NEK7: variants seen among roughly 807,000 people sequenced by gnomAD.
NEK7 encodes the protein NIMA related kinase 7.
NEK7 carries 18 observed loss-of-function variants against 44.6 expected under a neutral mutation model. The observed-to-expected ratio is 0.40, with a 90% CI of 0.28 to 0.60. The LOEUF is 0.60. Among genes scored for constraint, NEK7 ranks in the 20% least tolerant of loss-of-function variants. The pLI is 0.38. For missense variants in NEK7, 256 were observed against 366.5 expected, an observed-to-expected ratio of 0.70 and a Z score of 2.46; for synonymous variants, 130 against 121.1, an observed-to-expected ratio of 1.07 and a Z score of -0.48.
intron 7 of NEK7, among the ~76,000 whole-genome samples, chr1:198,292,083 G>T (rs182169865): frequency 1.3e-5 from 2 of 151,602 alleles, no homozygotes; most frequent in African/African-American, 4.8e-5. Flanking sequence ...TTTCTATTTG[G>T]CAAAAAGCCT....
chr1:198,192,350 C>T (rs1665104595), intron 1 of NEK7, among the ~76,000 whole-genome samples: 1 of 150,064 alleles, frequency 6.7e-6, no homozygotes, highest in African/African-American at 2.4e-5. Context: ...TTTAAAGAAC[C>T]AGCTTTTGGT....
intron 9 of NEK7, among the ~76,000 whole-genome samples, chr1:198,317,891 T>TTTTG (rs1655422107): frequency 6.8e-6 from 1 of 146,446 alleles, no homozygotes; most frequent in East Asian, 2.0e-4. Context: ...TTTTTTTTTT[T>TTTTG]TTTTTTTTTG....
intron 1 of NEK7, among the ~76,000 whole-genome samples, chr1:198,163,977 A>T (rs1362791678): frequency 6.6e-6 from 1 of 152,084 alleles, no homozygotes; most frequent in Non-Finnish European, 1.5e-5. Flanking sequence ...ACTGTGGCTC[A>T]CACCTGTAAT....
intron 1 of NEK7, among the ~76,000 whole-genome samples, chr1:198,231,851 G>A (rs769074189): frequency 6.6e-6 from 1 of 152,016 alleles, no homozygotes; most frequent in Non-Finnish European, 1.5e-5. Flanking sequence ...AGTTTTTTGA[G>A]TCTTAGATTT....
At chr1:198,202,259 TA>T (rs200263286) in intron 1 of NEK7, among the ~76,000 whole-genome samples, 196 of 145,920 alleles carry the variant, frequency 1.3e-3, no homozygotes, top group South Asian at 1.9e-3. Flanking sequence ...TCAGGAATAT[TA>T]AAAAAAAAAA....
At position 198,320,214 on chromosome 1, in the gene NEK7, A is replaced by T. The variant is rs1377172847; in HGVS notation, c.*692A>T. The stretch of plus-strand genomic sequence containing the variant: ...CTTTGCATTGAAATGGTATAAATGA[A>T]TCCATTTAAAAAGTGGTTAAGGATT... On this transcript the variant is annotated 3_prime_UTR_variant, in exon 10 of 10. Coordinates refer to ENST00000367385, the MANE Select transcript of NEK7 (RefSeq NM_133494.3). 6.6e-6 allele frequency: 1 copy of T among 152,172 alleles called. No individual in the cohort carries two copies. Among genetic ancestry groups the T allele is most frequent in the Non-Finnish European group, 1.5e-5 (1 of 68,012 alleles). 9.4% of individuals were successfully genotyped at this position (152,172 alleles called of 1,614,324 possible).
chr1:198,319,266 TTA>T, intron 9 of NEK7, 144 bp from the exon 10 acceptor site: 1 of 567,364 alleles, frequency 1.8e-6, no homozygotes, highest in Non-Finnish European at 3.1e-6. Flanking sequence ...GGCAGCAGTC[TTA>T]TATATATTTC....
At chr1:198,249,109 C>T (rs1394847872) in intron 2 of NEK7, among the ~76,000 whole-genome samples, 2 of 139,818 alleles carry the variant, frequency 1.4e-5, no homozygotes, top group Non-Finnish European at 3.0e-5. Context: ...TCTCATTGTT[C>T]AATTCCTACC....
rs113454730 is a variant in NEK7, at chr1:198,182,983, A to G, written c.-29+25707A>G. 8.8e-4 allele frequency among the ~76,000 whole-genome samples: 134 copies of G among 152,270 alleles called. 2 individuals carry two copies. In the Middle Eastern group the frequency reaches 0.017, roughly 19 times the overall value. On this transcript the variant is annotated intron_variant, in intron 1 of 9. Coordinates refer to ENST00000367385, the MANE Select transcript of NEK7 (RefSeq NM_133494.3). ...CTTTGGTTTGAATGAGAACTCATGG[A>G]AGCATAGGGATTTGTGCTTGGCTTT...
intron 7 of NEK7, among the ~76,000 whole-genome samples, chr1:198,290,522 T>G (rs2103003208): frequency 6.6e-6 from 1 of 152,156 alleles, no homozygotes; most frequent in East Asian, 1.9e-4. Flanking sequence ...TGAACCTCTT[T>G]GCTCAGTGTC....
intron 1 of NEK7, among the ~76,000 whole-genome samples, chr1:198,196,832 G>A (rs1483521117): frequency 6.6e-6 from 1 of 152,192 alleles, no homozygotes; most frequent in East Asian, 1.9e-4. Flanking sequence ...TAGCGGCTGA[G>A]GTAGAGGCAT....
chr1:198,175,027 G>C (rs771974417), intron 1 of NEK7, among the ~76,000 whole-genome samples: 1 of 152,138 alleles, frequency 6.6e-6, no homozygotes, highest in Non-Finnish European at 1.5e-5. Flanking sequence ...CAAAGTTCTA[G>C]GATTACAGGC....
Position 198,320,012 on chromosome 1 carries a change from C to A in NEK7, c.*490C>A, listed in dbSNP as rs1412576198. 1 of 152,122 alleles carries A rather than the reference C, an allele frequency of 6.6e-6. No homozygotes were observed. Among genetic ancestry groups the A allele is most frequent in the African/African-American group, 2.4e-5 (1 of 41,406 alleles). The allele number at this position is 152,122 out of a possible 1,614,324, so 9.4% of individuals were successfully genotyped here. Reference sequence around the variant, plus strand: ...TTGAAGTACTAGTTTTAGTTCTTAGCAGAGTAGTTTTCAAATATGATTCTT... The same window carrying A: ...TTGAAGTACTAGTTTTAGTTCTTAGAAGAGTAGTTTTCAAATATGATTCTT... On this transcript the variant is annotated 3_prime_UTR_variant, in exon 10 of 10. Transcript: ENST00000367385.
At chr1:198,256,461 C>G (rs758178301) in intron 3 of NEK7, 1 of 1,601,914 alleles carries the variant, frequency 6.2e-7, no homozygotes, top group South Asian at 1.1e-5. Context: ...TTACCTGTAT[C>G]CCATCATGGT....
At chr1:198,306,424 G>A (rs184481425) in intron 9 of NEK7, among the ~76,000 whole-genome samples, 2 of 152,128 alleles carry the variant, frequency 1.3e-5, no homozygotes, top group Non-Finnish European at 2.9e-5. Flanking sequence ...TAGTAACCAC[G>A]AGTCAACCTA....
intron 3 of NEK7, among the ~76,000 whole-genome samples, chr1:198,259,308 ATGT>A (rs143223156): frequency 0.043 from 6,613 of 152,182 alleles, 222 homozygotes; most frequent in Middle Eastern, 0.065. Flanking sequence ...GTTTTTAAAA[ATGT>A]TGTTCCACAT....
At chr1:198,294,492 C>T (rs1018415266) in intron 8 of NEK7, among the ~76,000 whole-genome samples, 7 of 151,982 alleles carry the variant, frequency 4.6e-5, no homozygotes, top group Admixed American at 1.3e-4. Flanking sequence ...CTTCAAATCC[C>T]TAAAAGTAAA....
intron 3 of NEK7, among the ~76,000 whole-genome samples, chr1:198,256,935 T>A (rs960190720): frequency 3.9e-5 from 6 of 152,222 alleles, no homozygotes; most frequent in African/African-American, 1.4e-4. Flanking sequence ...AGGAATGAAG[T>A]TGGTTTTTAT....
chr1:198,225,255 C>CA (rs34192199), intron 1 of NEK7, among the ~76,000 whole-genome samples: 24,017 of 132,942 alleles, frequency 0.18, 2,431 homozygotes, highest in East Asian at 0.56. Flanking sequence ...GTGTAGGTTA[C>CA]AAAAAAAAAA....
Sources: allele counts gnomAD v4.1 joint callset (sites outside exome capture counted in the v4.1 genomes callset), GRCh38; gene constraint gnomAD v4.1.1; transcripts MANE v1.5; gene names NCBI Gene and HGNC (gene_info 2026-07-23, HGNC 2026-07-21).